SPIDR: variants seen among roughly 807,000 people sequenced by gnomAD.
SPIDR encodes the protein scaffold protein involved in DNA repair.
In SPIDR, 93 loss-of-function variants were observed where a neutral mutation model predicts 104.6. That is an observed-to-expected ratio of 0.89 (90% CI 0.75 to 1.06). The LOEUF (loss-of-function observed/expected upper bound fraction) is 1.06, where lower values mean the gene tolerates loss of function less well. Ranked by LOEUF, SPIDR falls within the 50% of genes least tolerant of loss-of-function variation. SPIDR has a pLI of 0.00. For missense variants in SPIDR, 1,154 were observed against 1,111.2 expected (o/e 1.04, Z -0.55); for synonymous variants, 431 against 416.9 (o/e 1.03, Z -0.41).
chr8:47,512,832 G>T (rs1223591422), intron 8 of SPIDR, among the ~76,000 whole-genome samples: 1 of 152,196 alleles, frequency 6.6e-6, no homozygotes, highest in African/African-American at 2.4e-5. Context: ...CTTGCATTCC[G>T]ATGCGGCACG....
At chr8:47,499,579 T>C (rs1331576063) in intron 8 of SPIDR, among the ~76,000 whole-genome samples, 1 of 152,066 alleles carries the variant, frequency 6.6e-6, no homozygotes, top group African/African-American at 2.4e-5. Context: ...TTTTGTTGTT[T>C]TATTTTGTTT....
chr8:47,719,354 A>G (rs1314236643), intron 16 of SPIDR, among the ~76,000 whole-genome samples: 2 of 151,940 alleles, frequency 1.3e-5, no homozygotes, highest in Non-Finnish European at 2.9e-5. Flanking sequence ...TAAAAATACA[A>G]AAAAATTAGC....
At chr8:47,399,567 G>A (rs1057123140) in intron 6 of SPIDR, among the ~76,000 whole-genome samples, 1 of 152,190 alleles carries the variant, frequency 6.6e-6, no homozygotes, top group Non-Finnish European at 1.5e-5. Context: ...ACTGGAGAAG[G>A]GCTCCAGGGC....
At chr8:47,623,493 A>G (rs909841791) in intron 10 of SPIDR, among the ~76,000 whole-genome samples, 2 of 152,204 alleles carry the variant, frequency 1.3e-5, no homozygotes, top group African/African-American at 4.8e-5. Flanking sequence ...GAGGAAACCC[A>G]TCTCACGTGC....
intron 8 of SPIDR, chr8:47,511,924 G>A: frequency 1.3e-6 from 1 of 794,786 alleles, no homozygotes; most frequent in Non-Finnish European, 2.3e-6. Flanking sequence ...ATCTCTAAAG[G>A]ATGTCACTCT....
intron 6 of SPIDR, among the ~76,000 whole-genome samples, chr8:47,401,938 T>C (rs2061958454): frequency 6.6e-6 from 1 of 152,086 alleles, no homozygotes; most frequent in South Asian, 2.1e-4. Context: ...GACAGAAAGT[T>C]AACAAGGATA....
intron 8 of SPIDR, among the ~76,000 whole-genome samples, chr8:47,534,775 C>G (rs895963824): frequency 3.3e-5 from 5 of 151,366 alleles, no homozygotes; most frequent in Non-Finnish European, 7.4e-5. Context: ...ACTCTCAAAC[C>G]TAAAATAAAG....
chr8:47,303,968 C>A (rs1433372050), intron 5 of SPIDR, among the ~76,000 whole-genome samples: 1 of 152,114 alleles, frequency 6.6e-6, no homozygotes, highest in Non-Finnish European at 1.5e-5. Flanking sequence ...TGAGCCACTG[C>A]ACCTGGCCTG....
chr8:47,561,249 T>A (rs1328694135), intron 8 of SPIDR, among the ~76,000 whole-genome samples: 1 of 152,230 alleles, frequency 6.6e-6, no homozygotes, highest in African/African-American at 2.4e-5. Context: ...TGTGGCAGCA[T>A]AGCAGGTAGA....
chr8:47,312,789 C>T (rs587762581), intron 5 of SPIDR, among the ~76,000 whole-genome samples: 45 of 152,278 alleles, frequency 3.0e-4, no homozygotes, highest in African/African-American at 1.1e-3. Context: ...GACATGAAGT[C>T]CTTCCCCATG....
intron 5 of SPIDR, among the ~76,000 whole-genome samples, chr8:47,303,852 T>G (rs1330279238): frequency 6.6e-6 from 1 of 152,226 alleles, no homozygotes; most frequent in East Asian, 1.9e-4. Flanking sequence ...AATTTTTGTA[T>G]TTTTAGTAGA....
chr8:47,392,268 T>G (rs2060688560), intron 5 of SPIDR, among the ~76,000 whole-genome samples: 1 of 152,140 alleles, frequency 6.6e-6, no homozygotes, highest in South Asian at 2.1e-4. Flanking sequence ...GGAGTAGGGC[T>G]GAGACCACAA....
intron 2 of SPIDR, among the ~76,000 whole-genome samples, chr8:47,280,553 C>T (rs983515547): frequency 3.9e-4 from 59 of 152,002 alleles, no homozygotes; most frequent in Non-Finnish European, 1.3e-4. Context: ...CCACCACACT[C>T]GGCTGATTTT....
At chr8:47,341,110 A>G (rs2050674825) in intron 5 of SPIDR, among the ~76,000 whole-genome samples, 2 of 152,168 alleles carry the variant, frequency 1.3e-5, no homozygotes, top group South Asian at 2.1e-4. Flanking sequence ...AGCCTTGTGG[A>G]GGACTTTACC....
At chr8:47,511,748 C>T in intron 8 of SPIDR, 1 of 1,300,098 alleles carries the variant, frequency 7.7e-7, no homozygotes, top group African/African-American at 1.4e-5. Flanking sequence ...CGCTCCACAG[C>T]TACAGCTCCA....
chr8:47,279,917 A>C lies in SPIDR; in HGVS notation c.89A>C (p.Gln30Pro). Residue 30 changes from glutamine (Q) to proline (P), a missense_variant, in exon 2 of 20, where the codon CAG (glutamine) becomes CCG (proline). Gln to Pro is a moderately conservative substitution (Grantham distance 76, BLOSUM62 -1). Coordinates refer to ENST00000297423, the MANE Select transcript of SPIDR (RefSeq NM_001080394.4). ...TCCTTTCCAGGAGAAAGACCACTGC[A>C]GGTCAGAAGAGCAGGTCTCAGGACA... ...CPSFPGERPL[Q>P]VRRAGLRTAG... 6.2e-7 allele frequency: 1 copy of C among 1,614,004 alleles called. No individual in the cohort carries two copies. Among genetic ancestry groups the C allele is most frequent in the Non-Finnish European group, 8.5e-7 (1 of 1,179,898 alleles).
chr8:47,466,906 T>A lies in SPIDR; in HGVS notation c.1097+26364T>A, dbSNP rs1373914594. 6.9e-4 allele frequency among the ~76,000 whole-genome samples: 82 copies of A among 119,162 alleles called. 1 individual carries two copies. The highest frequency in any genetic ancestry group is 2.6e-3 in the African/African-American group (76 of 28,728). 78.2% of individuals were successfully genotyped at this position (119,162 alleles called of 152,430 possible). A position where few individuals can be genotyped will look rare whatever the true frequency, so the allele number is the denominator to read the frequency against. ...TTTTTTGAAAAAAAAAAAAAATATATATATATATAGATAGATAGATAGATA... is the reference window on the plus strand; with the variant it reads ...TTTTTTGAAAAAAAAAAAAAATATAAATATATATAGATAGATAGATAGATA... On this transcript the variant is annotated intron_variant, in intron 8 of 19. Coordinates refer to ENST00000297423, the MANE Select transcript of SPIDR (RefSeq NM_001080394.4).
At chr8:47,364,744 C>CA (rs370937453) in intron 5 of SPIDR, among the ~76,000 whole-genome samples, 16 of 151,678 alleles carry the variant, frequency 1.1e-4, no homozygotes, top group South Asian at 2.1e-4. Context: ...CCTGATAATC[C>CA]AAAAAAAAGT....
intron 16 of SPIDR, among the ~76,000 whole-genome samples, chr8:47,719,401 C>T (rs542737969): frequency 2.0e-4 from 30 of 152,006 alleles, no homozygotes; most frequent in African/African-American, 7.2e-4. Context: ...CCCAGCTACT[C>T]GGGAGGCTGA....
Sources: gnomAD v4.1 joint callset for allele counts (sites outside exome capture counted in the v4.1 genomes callset) on GRCh38, gnomAD v4.1.1 for gene constraint, MANE v1.5 for transcripts, NCBI Gene and HGNC (gene_info 2026-07-23, HGNC 2026-07-21) for gene names.